GRIN2A: variants seen among roughly 807,000 people sequenced by gnomAD.
GRIN2A encodes the protein glutamate receptor ionotropic, NMDA 2A.
A neutral mutation model predicts 113.4 loss-of-function variants in GRIN2A; 22 were observed. The observed-to-expected ratio is 0.19, with a 90% confidence interval of 0.14 to 0.28. GRIN2A has a LOEUF of 0.28. Among genes scored for constraint, GRIN2A ranks in the 10% least tolerant of loss-of-function variants. The pLI, the probability that GRIN2A is intolerant of heterozygous loss-of-function variation, is 1.00. For synonymous variants in GRIN2A, 827 were observed against 738.4 expected, an observed-to-expected ratio of 1.12 and a Z score of -1.94; for missense variants, 1,502 against 1,887.0, an observed-to-expected ratio of 0.80 and a Z score of 3.78.
rs375587349 is a variant in GRIN2A at position 10,133,150 on chromosome 16, C to T, written c.414+46848G>A. Reference sequence around the variant, plus strand: ...ATAACTTAATCACATCTTCAAAATCCCTTTTGCCATAAATCATAACATTTA... The same window carrying T: ...ATAACTTAATCACATCTTCAAAATCTCTTTTGCCATAAATCATAACATTTA... On this transcript the variant is annotated intron_variant, in intron 2 of 12. Coordinates refer to ENST00000330684, the MANE Select transcript of GRIN2A (RefSeq NM_001134407.3). Among the ~76,000 whole-genome samples, 47 of 152,268 alleles carry T rather than the reference C, an allele frequency of 3.1e-4. 1 individual carries two copies. The South Asian group carries it at 9.1e-3, about 30-fold the overall frequency.
intron 2 of GRIN2A, among the ~76,000 whole-genome samples, chr16:9,977,237 A>T (rs2045792453): frequency 6.9e-6 from 1 of 145,904 alleles, no homozygotes; most frequent in African/African-American, 2.6e-5. Flanking sequence ...GGCTGCAGTG[A>T]GCCATGACTG....
At chr16:10,179,893 C>CCCAAAACAAAAAAAAA in intron 2 of GRIN2A, 105 bp downstream of exon 2, 1 of 719,818 alleles carries the variant, frequency 1.4e-6, no homozygotes, top group Non-Finnish European at 2.4e-6. Context: ...CCCCCACCCC[C>CCCAAAACAAAAAAAAA]ACTTCACATC....
intron 2 of GRIN2A, among the ~76,000 whole-genome samples, chr16:10,007,276 C>T (rs954031719): frequency 2.0e-5 from 3 of 152,246 alleles, no homozygotes; most frequent in African/African-American, 4.8e-5. Flanking sequence ...CCTTCCTCCA[C>T]ATCCTCCCCA....
chr16:9,872,989 G>A (rs773706432), intron 4 of GRIN2A, among the ~76,000 whole-genome samples: 7 of 152,184 alleles, frequency 4.6e-5, no homozygotes, highest in Non-Finnish European at 8.8e-5. Flanking sequence ...AGGCTGCAAT[G>A]AGCCATGATT....
At position 9,841,102 on chromosome 16, in the gene GRIN2A, T is replaced by C. The variant is rs747167014; in HGVS notation, c.1331A>G (p.Asn444Ser). 15 of 1,613,120 alleles carry C rather than the reference T, an allele frequency of 9.3e-6. No individual in the cohort carries two copies. The highest frequency in any genetic ancestry group is 2.7e-5 in the African/African-American group (2 of 74,870). ...CACATTCATCCCCTCATTGGTTGAA[T>C]TGCTGTAAAGAAAAACCCCAAGACC... is the stretch of plus-strand genomic sequence containing the variant. ...VPCRKFVKINNSTNEGMNVKK... is the reference protein window; with the variant it reads ...VPCRKFVKINSSTNEGMNVKK... The change falls in exon 6 of 13, where the codon AAT becomes AGT. Residue 444 changes from asparagine (N) to serine (S), a missense_variant and splice_region_variant. Asn to Ser is a conservative substitution (Grantham distance 46). Transcript: ENST00000330684.
intron 2 of GRIN2A, among the ~76,000 whole-genome samples, chr16:10,059,767 G>A (rs1275139132): frequency 6.6e-6 from 1 of 151,624 alleles, no homozygotes; most frequent in Non-Finnish European, 1.5e-5. Flanking sequence ...GTGGTGAGAG[G>A]TAAGAGGTAA....
intron 5 of GRIN2A, among the ~76,000 whole-genome samples, chr16:9,849,217 TTATATA>T (rs1239590309): frequency 1.1e-4 from 16 of 144,474 alleles, no homozygotes; most frequent in African/African-American, 4.0e-4. Context: ...TTCTATATAT[TTATATA>T]TAATGTTTTA....
At chr16:9,771,846 C>G (rs913635504) in intron 11 of GRIN2A, among the ~76,000 whole-genome samples, 3 of 152,134 alleles carry the variant, frequency 2.0e-5, no homozygotes, top group Admixed American at 2.0e-4. Context: ...AAGTAGCATA[C>G]ATTTGAACTC....
chr16:10,051,437 G>A (rs569640128), intron 2 of GRIN2A, among the ~76,000 whole-genome samples: 1 of 152,168 alleles, frequency 6.6e-6, no homozygotes, highest in South Asian at 2.1e-4. Flanking sequence ...CTTTTCACAG[G>A]AGTATCCCCA....
chr16:9,908,006 G>A (rs1484522398), intron 3 of GRIN2A, among the ~76,000 whole-genome samples: 1 of 152,166 alleles, frequency 6.6e-6, no homozygotes, highest in Non-Finnish European at 1.5e-5. Flanking sequence ...TTTTCATCTG[G>A]CCGGAGCTGG....
chr16:9,892,882 T>C (rs1451284045), intron 3 of GRIN2A, among the ~76,000 whole-genome samples: 1 of 144,708 alleles, frequency 6.9e-6, no homozygotes, highest in Non-Finnish European at 1.5e-5. Flanking sequence ...CCCAGAAAGA[T>C]ACTGTGTCAC....
intron 2 of GRIN2A, among the ~76,000 whole-genome samples, chr16:10,015,265 A>AAAAAAG (rs2046584664): frequency 3.0e-5 from 4 of 133,720 alleles, no homozygotes; most frequent in Non-Finnish European, 4.7e-5. Flanking sequence ...AAAAAAAAAA[A>AAAAAAG]AAAAAAGAAA....
intron 2 of GRIN2A, among the ~76,000 whole-genome samples, chr16:9,971,454 T>C (rs1488945313): frequency 2.0e-5 from 3 of 152,340 alleles, no homozygotes; most frequent in South Asian, 2.1e-4. Flanking sequence ...CAGGGAACTG[T>C]AGCCTCAGCT....
chr16:10,005,006 T>C (rs1244253370), intron 2 of GRIN2A, among the ~76,000 whole-genome samples: 4 of 152,232 alleles, frequency 2.6e-5, no homozygotes, highest in East Asian at 1.9e-4. Flanking sequence ...ATGAATTTTA[T>C]TGAAAAGACA....
At position 9,798,260 on chromosome 16, in the gene GRIN2A, G is replaced by A; in HGVS notation, c.2356+17C>T. On this transcript the variant is annotated intron_variant, in intron 11 of 12. Transcript: ENST00000330684. ...GTCTCAAGTCCCCCTAAAGAAAGGG[G>A]TCACCCGGGGTCTTACCATCACCCA... The A allele has an allele frequency of 1.9e-6, 3 of 1,609,894 alleles. No individual in the cohort carries two copies. The highest frequency in any genetic ancestry group is 2.5e-6 in the Non-Finnish European group (3 of 1,176,668).
At chr16:9,977,303 G>A (rs1246074863) in intron 2 of GRIN2A, among the ~76,000 whole-genome samples, 1 of 150,078 alleles carries the variant, frequency 6.7e-6, no homozygotes, top group South Asian at 2.1e-4. Context: ...AAGGGAGGAA[G>A]GGGGGAGGGA....
rs2047146667 is a variant in GRIN2A at position 10,040,604 on chromosome 16, CACCACATTCA to C, written c.415-102063_415-102054del. On this transcript the variant is annotated intron_variant, in intron 2 of 12. Transcript: ENST00000330684. ...CACACACACACAAAACACACATCCA[CACCACATTCA>C]CAACTACGCACACATAAATACACAT... is the stretch of plus-strand genomic sequence containing the variant. Among the ~76,000 whole-genome samples the C allele has an allele frequency of 6.6e-5, 10 of 152,088 alleles. No homozygotes were observed. The South Asian group carries it at 2.1e-3, about 32-fold the overall frequency.
chr16:10,127,710 T>A (rs1409906505), intron 2 of GRIN2A, among the ~76,000 whole-genome samples: 1 of 152,202 alleles, frequency 6.6e-6, no homozygotes, highest in African/African-American at 2.4e-5. Context: ...GTGGAATTGA[T>A]GGATGAATTC....
At chr16:10,061,270 C>T (rs1277286870) in intron 2 of GRIN2A, among the ~76,000 whole-genome samples, 1 of 152,168 alleles carries the variant, frequency 6.6e-6, no homozygotes, top group Non-Finnish European at 1.5e-5. Context: ...CAGGAAGAGG[C>T]TTAATCTATG....
Sources: allele counts gnomAD v4.1 joint callset (sites outside exome capture counted in the v4.1 genomes callset), GRCh38; gene constraint gnomAD v4.1.1; transcripts MANE v1.5; gene names NCBI Gene and HGNC (gene_info 2026-07-23, HGNC 2026-07-21).